The following LGR5 variants were observed in gnomAD, a reference collection of about 807,000 sequenced individuals.
The protein encoded by LGR5 is leucine rich repeat containing G protein-coupled receptor 5.
A neutral mutation model predicts 76.7 loss-of-function variants in LGR5; 54 were observed. That is an observed-to-expected ratio of 0.70 (90% confidence interval 0.57 to 0.88). LGR5 has a LOEUF of 0.88. LGR5 is among the 40% of genes least tolerant of loss of function. The pLI is 0.00. For missense variants in LGR5, 1,078 were observed against 1,073.3 expected, an observed-to-expected ratio of 1.00 and a Z score of -0.06; for synonymous variants, 406 against 421.9, an observed-to-expected ratio of 0.96 and a Z score of 0.46.
intron 5 of LGR5, 92 bp downstream of exon 5, chr12:71,553,380 G>C (rs561795074): frequency 2.7e-5 from 29 of 1,092,704 alleles, no homozygotes; most frequent in Non-Finnish European, 3.3e-5. Flanking sequence ...AGCTCAAATG[G>C]GGACATTTTA....
At chr12:71,484,124 T>C (rs1873727534) in intron 1 of LGR5, among the ~76,000 whole-genome samples, 1 of 152,146 alleles carries the variant, frequency 6.6e-6, no homozygotes, top group Non-Finnish European at 1.5e-5. Flanking sequence ...AGGCTAGAAA[T>C]TGTTCATAAT....
At chr12:71,555,945 C>T (rs983297689) in intron 5 of LGR5, among the ~76,000 whole-genome samples, 5 of 152,062 alleles carry the variant, frequency 3.3e-5, no homozygotes, top group African/African-American at 1.2e-4. Flanking sequence ...CAATGATAGA[C>T]TGGATAAAGA....
chr12:71,549,307 TG>T (rs1877359510), intron 4 of LGR5, among the ~76,000 whole-genome samples: 1 of 151,720 alleles, frequency 6.6e-6, no homozygotes, highest in Admixed American at 6.6e-5. Flanking sequence ...AGTGGTTGAG[TG>T]GGGAGATGTT....
intron 2 of LGR5, among the ~76,000 whole-genome samples, chr12:71,522,969 C>T (rs1875800147): frequency 6.6e-6 from 1 of 152,156 alleles, no homozygotes; most frequent in African/African-American, 2.4e-5. Flanking sequence ...GTCCTAGGAC[C>T]TTCTTATGTT....
intron 15 of LGR5, among the ~76,000 whole-genome samples, chr12:71,579,743 T>C (rs1043224366): frequency 6.6e-6 from 1 of 152,190 alleles, no homozygotes; most frequent in Admixed American, 6.5e-5. Flanking sequence ...ATTTATTCTT[T>C]CTATTTTTTG....
intron 1 of LGR5, among the ~76,000 whole-genome samples, chr12:71,464,671 G>A (rs7966825): frequency 0.095 from 14,394 of 152,128 alleles, 821 homozygotes; most frequent in African/African-American, 0.15. Flanking sequence ...TCTATATTAA[G>A]GAGAGTTTCA....
intron 1 of LGR5, among the ~76,000 whole-genome samples, chr12:71,453,583 A>G (rs756201728): frequency 2.6e-5 from 4 of 151,516 alleles, no homozygotes. Flanking sequence ...TTGATTTGCT[A>G]CAGTGGCAGG....
intron 1 of LGR5, among the ~76,000 whole-genome samples, chr12:71,454,461 G>A (rs949600564): frequency 1.3e-5 from 2 of 152,108 alleles, no homozygotes; most frequent in Admixed American, 1.3e-4. Flanking sequence ...AGCAAAAGTC[G>A]AATAATTTCC....
In LGR5 at chr12:71,539,802, G is replaced by C. The variant is rs143163865; in HGVS notation, c.428+4616G>C. 1.1e-3 allele frequency among the ~76,000 whole-genome samples: 167 copies of C among 152,230 alleles called. 1 individual carries two copies. In the South Asian group the frequency reaches 0.011, roughly 10 times the overall value. ...CCACTTGTGTTCTTTTAACTCTTCT[G>C]ATGCTAACAAATTGCTGGGCTAAGG... On this transcript the variant is annotated intron_variant, in intron 4 of 17. Coordinates refer to ENST00000266674, the MANE Select transcript of LGR5 (RefSeq NM_003667.4).
chr12:71,537,726 T>C (rs1489612449), intron 4 of LGR5, among the ~76,000 whole-genome samples: 2 of 152,190 alleles, frequency 1.3e-5, no homozygotes, highest in Non-Finnish European at 2.9e-5. Flanking sequence ...TTACTGATCA[T>C]TACAAACATG....
At chr12:71,498,387 T>C (rs1018323181) in intron 1 of LGR5, among the ~76,000 whole-genome samples, 1 of 152,206 alleles carries the variant, frequency 6.6e-6, no homozygotes, top group Non-Finnish European at 1.5e-5. Context: ...CTCACAGTTC[T>C]AGAGGCTGGG....
intron 4 of LGR5, among the ~76,000 whole-genome samples, chr12:71,537,436 C>A (rs182172967): frequency 6.6e-6 from 1 of 152,142 alleles, no homozygotes; most frequent in Non-Finnish European, 1.5e-5. Context: ...TATCATGCCA[C>A]TGCACTCCAG....
At chr12:71,499,739 A>G (rs1230405735) in intron 1 of LGR5, among the ~76,000 whole-genome samples, 1 of 152,046 alleles carries the variant, frequency 6.6e-6, no homozygotes, top group Admixed American at 6.6e-5. Flanking sequence ...CCCCAGGAGG[A>G]AGAGGGTATT....
chr12:71,504,650 G>T lies in LGR5; in HGVS notation c.249G>T (p.Pro83=), dbSNP rs17109769. The T allele has an allele frequency of 6.2e-7, 1 of 1,613,798 alleles. No homozygotes were observed. Among genetic ancestry groups the T allele is most frequent in the Non-Finnish European group, 8.5e-7 (1 of 1,179,964 alleles). The change falls in exon 2 of 18, where the codon CCG becomes CCT. Residue 83 remains proline, a synonymous_variant. Coordinates refer to ENST00000266674, the MANE Select transcript of LGR5 (RefSeq NM_003667.4). ...LSMNNISQLL[P]NPLPSLRFLE... is the part of the protein sequence containing the mutation. ...TGAACAACATCAGTCAGCTGCTCCCGAATCCCCTGCCCAGTCTCCGCTTCC... is the reference window on the plus strand; with the variant it reads ...TGAACAACATCAGTCAGCTGCTCCCTAATCCCCTGCCCAGTCTCCGCTTCC...
rs1247534467 is a variant in LGR5 at position 71,505,887 on chromosome 12, CT to C, written c.284+1210del. On this transcript the variant is annotated intron_variant, in intron 2 of 17. Coordinates refer to ENST00000266674, the MANE Select transcript of LGR5 (RefSeq NM_003667.4). ...TAGATTTTCACTCTAGGTCCCAGGC[CT>C]TTTTTTTCCATCTTCTCTTTTGTCT... is the stretch of plus-strand genomic sequence containing the variant. 3.3e-5 allele frequency among the ~76,000 whole-genome samples: 5 copies of C among 151,956 alleles called. No individual in the cohort carries two copies. In the East Asian group the frequency reaches 5.8e-4, roughly 18 times the overall value.
chr12:71,565,422 C>CTATATATATATATATA (rs1209363296), intron 8 of LGR5, among the ~76,000 whole-genome samples: 394 of 13,780 alleles, frequency 0.029, 4 homozygotes, highest in African/African-American at 0.03. Context: ...ATCAATTGAG[C>CTATATATATATATATA]TATATATATA....
chr12:71,511,555 A>C (rs1875156811), intron 2 of LGR5, among the ~76,000 whole-genome samples: 1 of 152,186 alleles, frequency 6.6e-6, no homozygotes. Context: ...TCTGGGCCCC[A>C]TCACAGAATT....
intron 2 of LGR5, 111 bp from the exon 3 acceptor site, chr12:71,524,295 G>T: frequency 1.4e-6 from 1 of 701,974 alleles, no homozygotes; most frequent in Non-Finnish European, 2.3e-6. Context: ...GTTTACAGTT[G>T]CTTTTGATAT....
intron 15 of LGR5, among the ~76,000 whole-genome samples, chr12:71,579,216 G>A (rs1434636824): frequency 6.6e-6 from 1 of 151,862 alleles, no homozygotes; most frequent in Non-Finnish European, 1.5e-5. Context: ...AATAAACTAG[G>A]GCATGTAATT....
Sources: allele counts gnomAD v4.1 joint callset (sites outside exome capture counted in the v4.1 genomes callset), GRCh38; gene constraint gnomAD v4.1.1; transcripts MANE v1.5; gene names NCBI Gene and HGNC (gene_info 2026-07-23, HGNC 2026-07-21).